GNA11: variants seen among roughly 807,000 people sequenced by gnomAD.
GNA11 encodes the protein G protein subunit alpha 11.
Under a neutral mutation model 38.2 loss-of-function variants are expected in GNA11, and 8 were observed. The ratio of observed to expected loss-of-function variants is 0.21; its 90% CI spans 0.12 to 0.38. The LOEUF is 0.38. Ranked by LOEUF, GNA11 falls within the 10% of genes least tolerant of loss-of-function variation. The pLI is 1.00. For synonymous variants in GNA11, 211 were observed against 221.4 expected, an observed-to-expected ratio of 0.95 and a Z score of 0.42; for missense variants, 268 against 516.3, an observed-to-expected ratio of 0.52 and a Z score of 4.66.
intron 1 of GNA11, among the ~76,000 whole-genome samples, chr19:3,104,408 C>G (rs1017166247): frequency 6.6e-6 from 1 of 152,196 alleles, no homozygotes; most frequent in Non-Finnish European, 1.5e-5. Context: ...CTGCAGGCTC[C>G]CTAGCGTCTG....
At position 3,110,867 on chromosome 19, in the gene GNA11, A is replaced by G. The variant is rs1008063586; in HGVS notation, c.321+534A>G. 6.6e-6 allele frequency among the ~76,000 whole-genome samples: 1 copy of G among 152,146 alleles called. No homozygotes were observed. Among genetic ancestry groups the G allele is most frequent in the African/African-American group, 2.4e-5 (1 of 41,424 alleles). On this transcript the variant is annotated intron_variant, in intron 2 of 6. Transcript: ENST00000078429. The surrounding 1 kb of genome is among the most constrained non-coding windows in gnomAD (Gnocchi z 5.4). ...AGGCTGGAGTGCAGTGGAATGGTCA[A>G]GGCTCATCACAGCCTGGACCTTCTG...
chr19:3,122,689 C>T lies in GNA11; in HGVS notation c.*1510C>T, dbSNP rs879227864. 17 of 233,584 alleles carry T rather than the reference C, an allele frequency of 7.3e-5. No homozygotes were observed. The South Asian group carries it at 1.3e-3, about 17-fold the overall frequency. The allele number at this position is 233,584 out of a possible 1,614,324, so 14.5% of individuals were successfully genotyped here. ...GTGCTGCCTTCGCCCGCCGCCACAC[C>T]GGGACCCTGCACGGCTGCTTCTGGC... On this transcript the variant is annotated 3_prime_UTR_variant, in exon 7 of 7. Coordinates refer to ENST00000078429, the MANE Select transcript of GNA11 (RefSeq NM_002067.5). This position sits in a 1 kb window ranked among gnomAD's most constrained non-coding sequence, Gnocchi z 7.7.
rs539693621 is a variant in GNA11 at position 3,103,615 on chromosome 19, T to G, written c.137-6534T>G. 2.1e-5 allele frequency among the ~76,000 whole-genome samples: 3 copies of G among 142,850 alleles called. No individual in the cohort carries two copies. The East Asian group carries it at 6.3e-4, about 30-fold the overall frequency. The allele number at this position is 142,850 out of a possible 152,430, so 93.7% of individuals were successfully genotyped here. On this transcript the variant is annotated intron_variant, in intron 1 of 6. Coordinates refer to ENST00000078429, the MANE Select transcript of GNA11 (RefSeq NM_002067.5). ...GGTAGAATGTTTGCTCACCTCTGTC[T>G]CTTGGGTTCAAGCGTTTCTCCTGCC... is the stretch of plus-strand genomic sequence containing the variant.
intron 4 of GNA11, among the ~76,000 whole-genome samples, chr19:3,115,798 C>CGGGG (rs1913900342): frequency 8.7e-5 from 1 of 11,512 alleles, no homozygotes; most frequent in African/African-American, 5.1e-4. Flanking sequence ...GGGGGGGTCA[C>CGGGG]GGGGACCGAG....
chr19:3,101,962 G>A (rs1455336271), intron 1 of GNA11, among the ~76,000 whole-genome samples: 1 of 152,160 alleles, frequency 6.6e-6, no homozygotes, highest in South Asian at 2.1e-4. Flanking sequence ...CAGACTTGGT[G>A]ATGTGCACCT....
intron 4 of GNA11, chr19:3,118,293 TC>T (rs1913974144): frequency 6.6e-6 from 1 of 152,106 alleles, no homozygotes; most frequent in Admixed American, 6.6e-5. Context: ...GAGGCAAACG[TC>T]CCGTAAGGAA....
chr19:3,118,689 G>C (rs1913985925), intron 4 of GNA11: 1 of 505,662 alleles, frequency 2.0e-6, no homozygotes, highest in African/African-American at 1.9e-5. Flanking sequence ...GCTTCCCTGG[G>C]CCCAGTGGTC....
Position 3,121,545 on chromosome 19 carries a change from A to T in GNA11, c.*366A>T, listed in dbSNP as rs1368875322. On this transcript the variant is annotated 3_prime_UTR_variant, in exon 7 of 7. Coordinates refer to ENST00000078429, the MANE Select transcript of GNA11 (RefSeq NM_002067.5). ...CCCCCAGTGACTCTGGGCCTCACAG[A>T]GCCCCCGCCAGCCAGCATGGGGCCC... 4.3e-6 allele frequency: 1 copy of T among 235,034 alleles called. No homozygotes were observed. Among genetic ancestry groups the T allele is most frequent in the Non-Finnish European group, 8.3e-6 (1 of 119,980 alleles). 14.6% of individuals were successfully genotyped at this position (235,034 alleles called of 1,614,324 possible). A position where few individuals can be genotyped will look rare whatever the true frequency, so the allele number is the denominator to read the frequency against.
chr19:3,094,775 C>A lies in GNA11; in HGVS notation c.124C>A (p.Leu42Met). The A allele has an allele frequency of 6.3e-7, 1 of 1,584,058 alleles. No homozygotes were observed. The highest frequency in any genetic ancestry group is 2.4e-5 in the East Asian group (1 of 41,788). Residue 42 changes from leucine (L) to methionine (M), a missense_variant, in exon 1 of 7, where the codon CTG becomes ATG. Around this residue, in one of 3 missense-constraint regions of GNA11, gnomAD observed 151 missense variants for 254.0 expected, o/e 0.59. Coordinates refer to ENST00000078429, the MANE Select transcript of GNA11 (RefSeq NM_002067.5). This position sits in a 1 kb window ranked among gnomAD's most constrained non-coding sequence, Gnocchi z 6.0. ...DKRDARRELK[L>M]LLLGTGESGK... is the part of the protein sequence containing the mutation. ...GCGCGACGCCCGGCGCGAGCTCAAG[C>A]TGCTGCTGCTCGGTGAGTGCGGCCC...
At chr19:3,099,465 T>C (rs1913450466) in intron 1 of GNA11, among the ~76,000 whole-genome samples, 1 of 152,294 alleles carries the variant, frequency 6.6e-6, no homozygotes, top group African/African-American at 2.4e-5. Flanking sequence ...GGATCCTAAG[T>C]GCCGGTTTGC....
intron 1 of GNA11, among the ~76,000 whole-genome samples, chr19:3,106,850 C>G (rs894570153): frequency 1.3e-5 from 2 of 152,260 alleles, no homozygotes; most frequent in East Asian, 1.9e-4. Flanking sequence ...AGCCACCTCC[C>G]TCCCCCATCA....
At position 3,113,443 on chromosome 19, in the gene GNA11, C is replaced by T. The variant is rs759718861; in HGVS notation, c.435C>T (p.Tyr145=). 15 of 1,611,642 alleles carry T rather than the reference C, an allele frequency of 9.3e-6. No individual in the cohort carries two copies. Among genetic ancestry groups the T allele is most frequent in the Admixed American group, 6.7e-5 (4 of 59,834 alleles). ...AGGACCCGGGCATCCAGGAATGCTACGACCGCAGGCGCGAGTACCAGCTCT... is the reference window on the plus strand; with the variant it reads ...AGGACCCGGGCATCCAGGAATGCTATGACCGCAGGCGCGAGTACCAGCTCT... The part of the protein sequence containing the change: ...LWEDPGIQEC[Y]DRRREYQLSD... Residue 145 remains tyrosine (Y), a synonymous_variant, in exon 3 of 7, where the codon TAC becomes TAT. Transcript: ENST00000078429.
In GNA11 at chr19:3,122,210, TG is replaced by T; in HGVS notation, c.*1035del. Reference sequence around the variant, plus strand: ...CCAATTTGGAAACAGCGAGGGTGGGTGGGGACTTTTACAGAATATTCTCAGG... The same window carrying T: ...CCAATTTGGAAACAGCGAGGGTGGGTGGGACTTTTACAGAATATTCTCAGG... On this transcript the variant is annotated 3_prime_UTR_variant, in exon 7 of 7. Coordinates refer to ENST00000078429, the MANE Select transcript of GNA11 (RefSeq NM_002067.5). This position sits in a 1 kb window ranked among gnomAD's most constrained non-coding sequence, Gnocchi z 7.7. The T allele has an allele frequency of 4.3e-6, 1 of 231,676 alleles. No individual in the cohort carries two copies. The highest frequency in any genetic ancestry group is 8.6e-6 in the Non-Finnish European group (1 of 116,900). 14.4% of individuals were successfully genotyped at this position (231,676 alleles called of 1,614,324 possible).
intron 1 of GNA11, among the ~76,000 whole-genome samples, chr19:3,107,440 G>A (rs1207285331): frequency 6.6e-6 from 1 of 152,168 alleles, no homozygotes; most frequent in African/African-American, 2.4e-5. Flanking sequence ...AAGGGGCGGC[G>A]CCTTCTGACC....
Position 3,094,556 on chromosome 19 carries a change from C to T in GNA11, c.-96C>T. ...GGGCCGGTGGCCGAGGCCGGAGGGC[C>T]GCGGCGGGCGGCGGCCGAGGCGGCT... On this transcript the variant is annotated 5_prime_UTR_variant, in exon 1 of 7. Transcript: ENST00000078429. This position sits in a 1 kb window ranked among gnomAD's most constrained non-coding sequence, Gnocchi z 6.0. 2 of 454,502 alleles carry T rather than the reference C, an allele frequency of 4.4e-6. No homozygotes were observed. The highest frequency in any genetic ancestry group is 4.5e-5 in the African/African-American group (2 of 44,616). 28.2% of individuals were successfully genotyped at this position (454,502 alleles called of 1,614,324 possible). A position where few individuals can be genotyped will look rare whatever the true frequency, so the allele number is the denominator to read the frequency against.
In GNA11 at chr19:3,121,467, AAAAG is replaced by A. The variant is rs748732173; in HGVS notation, c.*300_*303del. 3,392 of 245,224 alleles carry A rather than the reference AAAAG, an allele frequency of 0.014. 3 individuals are homozygous for A. Among genetic ancestry groups the A allele is most frequent in the Middle Eastern group, 0.027 (22 of 802 alleles). The allele number at this position is 245,224 out of a possible 1,614,324, so 15.2% of individuals were successfully genotyped here. On this transcript the variant is annotated 3_prime_UTR_variant, in exon 7 of 7. Transcript: ENST00000078429. ...CTCGCTTTTTTCTAAAAAAAAAAAAAAAAGAAAGAAAGAAAAAAAGCAACGAAAC... is the reference window on the plus strand; with the variant it reads ...CTCGCTTTTTTCTAAAAAAAAAAAAAAAAGAAAGAAAAAAAGCAACGAAAC...
chr19:3,104,114 C>T (rs901427734), intron 1 of GNA11, among the ~76,000 whole-genome samples: 2 of 152,282 alleles, frequency 1.3e-5, no homozygotes, highest in Non-Finnish European at 2.9e-5. Flanking sequence ...GCCACCGCGC[C>T]CGGCTTTGAA....
chr19:3,110,381 C>A lies in GNA11; in HGVS notation c.321+48C>A. 2 of 1,507,130 alleles carry A rather than the reference C, an allele frequency of 1.3e-6. No individual in the cohort carries two copies. The highest frequency in any genetic ancestry group is 1.8e-6 in the Non-Finnish European group (2 of 1,088,780). 93.4% of individuals were successfully genotyped at this position (1,507,130 alleles called of 1,614,324 possible). A position where few individuals can be genotyped will look rare whatever the true frequency, so the allele number is the denominator to read the frequency against. On this transcript the variant is annotated intron_variant, in intron 2 of 6. Coordinates refer to ENST00000078429, the MANE Select transcript of GNA11 (RefSeq NM_002067.5). The surrounding 1 kb of genome is among the most constrained non-coding windows in gnomAD (Gnocchi z 5.4). ...AGGGGAGCGCCTGGGCAGCTGTGGG[C>A]TTGGTGGTGAGCATGGTGGCCGCGC...
Position 3,123,480 on chromosome 19 carries a change from C to G in GNA11, c.*2301C>G, listed in dbSNP as rs1914138560. 1 of 233,228 alleles carries G rather than the reference C, an allele frequency of 4.3e-6. No homozygotes were observed. The highest frequency in any genetic ancestry group is 2.2e-5 in the African/African-American group (1 of 45,376). 14.4% of individuals were successfully genotyped at this position (233,228 alleles called of 1,614,324 possible). On this transcript the variant is annotated 3_prime_UTR_variant, in exon 7 of 7. Transcript: ENST00000078429. ...CAAGGACAGCCAACCCCCACCCTTG[C>G]CACGTGTGGGGCCACGTGGGCATGT...
Sources: allele counts gnomAD v4.1 joint callset (sites outside exome capture counted in the v4.1 genomes callset), GRCh38; gene constraint gnomAD v4.1.1; regional missense constraint gnomAD v4.1.1; non-coding constraint Gnocchi (gnomAD v3.1); transcripts MANE v1.5; gene names NCBI Gene and HGNC (gene_info 2026-07-23, HGNC 2026-07-21).